Variants in CPS1 observed in about 807,000 individuals in gnomAD.
CPS1 encodes the protein carbamoyl-phosphate synthase 1, also known as carbamoyl-phosphate synthase [ammonia], mitochondrial.
Under a neutral mutation model 174.6 loss-of-function variants are expected in CPS1, and 109 were observed. The observed-to-expected ratio is 0.62, with a 90% CI of 0.53 to 0.73. CPS1 has a LOEUF of 0.73. CPS1 is among the 30% of genes least tolerant of loss of function. The pLI, the probability that CPS1 is intolerant of heterozygous loss-of-function variation, is 0.00. For synonymous variants in CPS1, 637 were observed against 632.0 expected (o/e 1.01, Z -0.12); for missense variants, 1,689 against 1,821.9 (o/e 0.93, Z 1.33).
intron 1 of CPS1, among the ~76,000 whole-genome samples, chr2:210,498,549 C>T (rs1228688888): frequency 6.6e-6 from 1 of 152,042 alleles, no homozygotes; most frequent in African/African-American, 2.4e-5. Context: ...TTCCAGGAGC[C>T]TTTTGGTGGG....
chr2:210,626,860 G>A (rs1382085029), intron 21 of CPS1, among the ~76,000 whole-genome samples: 6 of 151,922 alleles, frequency 3.9e-5, no homozygotes, highest in South Asian at 2.1e-4. Context: ...GTATATCTCC[G>A]GTGACCTTAA....
chr2:210,540,754 T>C (rs568498882), intron 1 of CPS1, among the ~76,000 whole-genome samples: 1 of 152,180 alleles, frequency 6.6e-6, no homozygotes, highest in Non-Finnish European at 1.5e-5. Flanking sequence ...AAATAAAACA[T>C]AGAAGCCTAC....
intron 1 of CPS1, among the ~76,000 whole-genome samples, chr2:210,503,383 T>C (rs1336231295): frequency 1.3e-5 from 2 of 152,148 alleles, no homozygotes; most frequent in East Asian, 3.9e-4. Context: ...GAGAGACTCA[T>C]TAAATAAACG....
At chr2:210,658,165 C>T (rs6435579) in intron 30 of CPS1, 225,030 of 225,040 alleles carry the variant, frequency 1, 112,510 homozygotes, top group Non-Finnish European at 1. Flanking sequence ...AAAAGCAACA[C>T]AAAAGAAATC....
rs779382562 is a variant in CPS1 at position 210,675,764 on chromosome 2, G to A, written c.4198G>A (p.Ala1400Thr). The A allele has an allele frequency of 1.2e-5, 20 of 1,609,128 alleles. No homozygotes were observed. The highest frequency in any genetic ancestry group is 4.4e-5 in the South Asian group (4 of 90,990). The change falls in exon 36 of 38, where the codon GCC becomes ACC. Residue 1400 changes from alanine to threonine, a missense_variant. Physicochemically the swap from Ala to Thr is moderately conservative, Grantham distance 58. Transcript: ENST00000233072. ...GGAAGCCACATCAGACTGGCTCAAC[G>A]CCAACAATGTCCCTGCCACCCCAGT... ...ATEATSDWLN[A>T]NNVPATPVAW...
upstream of CPS1, chr2:210,556,533 G>A: frequency 6.8e-7 from 1 of 1,469,408 alleles, no homozygotes; most frequent in Non-Finnish European, 9.1e-7. Flanking sequence ...ATTACCTCAG[G>A]AGGAGGGGTT....
intron 21 of CPS1, chr2:210,617,680 A>G (rs1196376300): frequency 6.6e-6 from 1 of 152,072 alleles, no homozygotes. Flanking sequence ...CTATCTGACA[A>G]AGATGAAACC....
In CPS1 at chr2:210,678,843, A is replaced by G. The variant is rs1701616333; in HGVS notation, c.*858A>G. 1 of 152,184 alleles carries G rather than the reference A, an allele frequency of 6.6e-6. No individual in the cohort carries two copies. The highest frequency in any genetic ancestry group is 1.5e-5 in the Non-Finnish European group (1 of 68,042). 9.4% of individuals were successfully genotyped at this position (152,184 alleles called of 1,614,324 possible). ...ATTTTAACTTGGCCCGAGTGAAATA[A>G]TCAGATTTTTGTCATTCACACTCTC... is the stretch of plus-strand genomic sequence containing the variant. On this transcript the variant is annotated 3_prime_UTR_variant, in exon 38 of 38. Coordinates refer to ENST00000233072, the MANE Select transcript of CPS1 (RefSeq NM_001875.5).
At chr2:210,523,912 G>A (rs958820010) in intron 1 of CPS1, among the ~76,000 whole-genome samples, 1 of 151,988 alleles carries the variant, frequency 6.6e-6, no homozygotes, top group African/African-American at 2.4e-5. Flanking sequence ...TGTGTGCTTA[G>A]TGGAGGGTAC....
chr2:210,541,365 C>T (rs1696420733), intron 1 of CPS1, among the ~76,000 whole-genome samples: 1 of 152,144 alleles, frequency 6.6e-6, no homozygotes, highest in South Asian at 2.1e-4. Context: ...AGCGCTGTCC[C>T]ATTTGCAGCA....
At position 210,599,510 on chromosome 2, in the gene CPS1, C is replaced by G; in HGVS notation, c.1498C>G (p.Gln500Glu). The change falls in exon 14 of 38, where the codon CAG becomes GAG. Residue 500 changes from glutamine to glutamate, a missense_variant. By Grantham distance (29) the Gln-to-Glu change is conservative. Coordinates refer to ENST00000233072, the MANE Select transcript of CPS1 (RefSeq NM_001875.5). ...QFVTEVIKAE[Q>E]PDGLILGMGG... ...TGTCACAGAGGTCATCAAGGCAGAA[C>G]AGCCAGATGGGTTAATTCTGGGCAT... 6.2e-7 allele frequency: 1 copy of G among 1,612,520 alleles called. No individual in the cohort carries two copies. Among genetic ancestry groups the G allele is most frequent in the East Asian group, 2.2e-5 (1 of 44,798 alleles).
At chr2:210,535,955 G>GA (rs1233088303) in intron 1 of CPS1, among the ~76,000 whole-genome samples, 1 of 151,764 alleles carries the variant, frequency 6.6e-6, no homozygotes, top group African/African-American at 2.4e-5. Context: ...TGCCAACTGT[G>GA]AGGGAGGTGC....
At position 210,592,919 on chromosome 2, in the gene CPS1, T is replaced by G; in HGVS notation, c.1127T>G (p.Phe376Cys). 3 of 1,612,494 alleles carry G rather than the reference T, an allele frequency of 1.9e-6. No individual in the cohort carries two copies. The highest frequency in any genetic ancestry group is 2.5e-6 in the Non-Finnish European group (3 of 1,179,042). The change falls in exon 11 of 38, where the codon TTC (phenylalanine) becomes TGC (cysteine). Residue 376 changes from phenylalanine to cysteine, a missense_variant. Coordinates refer to ENST00000233072, the MANE Select transcript of CPS1 (RefSeq NM_001875.5). ...AGCAAACCCTTCTTCGCTGTGCAGT[T>G]CCACCCAGAGGTCACCCCGGGGCCA... Reference protein sequence around the residue: ...HESKPFFAVQFHPEVTPGPID... With the variant: ...HESKPFFAVQCHPEVTPGPID...
At chr2:210,652,886 G>A (rs143043137) in intron 28 of CPS1, among the ~76,000 whole-genome samples, 189 of 152,250 alleles carry the variant, frequency 1.2e-3, no homozygotes, top group African/African-American at 4.3e-3. Context: ...AGACACTGGA[G>A]GAATACTGGC....
chr2:210,570,824 T>C (rs1254871787), intron 1 of CPS1, among the ~76,000 whole-genome samples: 2 of 151,958 alleles, frequency 1.3e-5, no homozygotes, highest in African/African-American at 4.8e-5. Context: ...TTTCACCTAA[T>C]AAAACACATC....
At chr2:210,562,433 A>G (rs1697134074) in intron 1 of CPS1, among the ~76,000 whole-genome samples, 1 of 152,180 alleles carries the variant, frequency 6.6e-6, no homozygotes, top group Non-Finnish European at 1.5e-5. Flanking sequence ...GTCTCATGAA[A>G]TATTTCAAAG....
intron 1 of CPS1, among the ~76,000 whole-genome samples, chr2:210,484,951 A>G (rs2370960): frequency 1 from 151,559 of 151,676 alleles, 75,721 homozygotes; most frequent in Middle Eastern, 1. Flanking sequence ...GATCTTGGCC[A>G]GGCATGGTGG....
At chr2:210,537,651 T>G (rs1055160833) in intron 1 of CPS1, among the ~76,000 whole-genome samples, 14 of 152,228 alleles carry the variant, frequency 9.2e-5, no homozygotes, top group African/African-American at 3.4e-4. Context: ...GTCGCCACAT[T>G]TCTTTGAACA....
intron 1 of CPS1, among the ~76,000 whole-genome samples, chr2:210,482,295 A>T (rs1694590145): frequency 6.7e-6 from 1 of 150,080 alleles, no homozygotes; most frequent in African/African-American, 2.5e-5. Flanking sequence ...CTTGTAGACT[A>T]CGTTGAATCC....
Sources: allele counts gnomAD v4.1 joint callset (sites outside exome capture counted in the v4.1 genomes callset), GRCh38; gene constraint gnomAD v4.1.1; transcripts MANE v1.5; gene names NCBI Gene and HGNC (gene_info 2026-07-23, HGNC 2026-07-21).